Variants in AGGF1 observed in about 807,000 individuals in gnomAD.
AGGF1 encodes angiogenic factor with G-patch and FHA domains 1.
Under a neutral mutation model 86.5 loss-of-function variants are expected in AGGF1, and 56 were observed. The observed-to-expected ratio is 0.65, with a 90% confidence interval of 0.52 to 0.81. The LOEUF (loss-of-function observed/expected upper bound fraction) is 0.81, where lower values mean the gene tolerates loss of function less well. Among genes scored for constraint, AGGF1 ranks in the 30% least tolerant of loss-of-function variants. The probability of loss-of-function intolerance (pLI) is 0.00; values close to 1 mark genes in which losing one functional copy is unlikely to be tolerated. For missense variants in AGGF1, 816 were observed against 850.9 expected, an observed-to-expected ratio of 0.96 and a Z score of 0.51; for synonymous variants, 313 against 297.1, an observed-to-expected ratio of 1.05 and a Z score of -0.55.
chr5:77,045,032 T>A (rs538444920), intron 5 of AGGF1, among the ~76,000 whole-genome samples: 2 of 148,222 alleles, frequency 1.3e-5, no homozygotes, highest in Non-Finnish European at 3.0e-5. Context: ...GCCACTGCAC[T>A]CCAGCCTGGG....
intron 5 of AGGF1, among the ~76,000 whole-genome samples, chr5:77,044,638 A>G (rs937752171): frequency 7.9e-5 from 12 of 152,190 alleles, no homozygotes; most frequent in African/African-American, 2.9e-4. Context: ...CTGCTTTTTT[A>G]AGAGTATATA....
chr5:77,032,968 T>C (rs531822789), intron 1 of AGGF1, among the ~76,000 whole-genome samples: 38 of 152,296 alleles, frequency 2.5e-4, no homozygotes, highest in African/African-American at 8.9e-4. Flanking sequence ...TTTAATACAC[T>C]TTAAAAAAAT....
Position 77,030,449 on chromosome 5 carries a change from C to T in AGGF1, c.-318C>T, listed in dbSNP as rs576368951. ...TGGGGAGCTGCTGGAGCTCTTCTGGCCTCTGGTTTTCCGACTGCTTATCCG... is the reference window on the plus strand; with the variant it reads ...TGGGGAGCTGCTGGAGCTCTTCTGGTCTCTGGTTTTCCGACTGCTTATCCG... On this transcript the variant is annotated 5_prime_UTR_variant, in exon 1 of 14. Coordinates refer to ENST00000312916, the MANE Select transcript of AGGF1 (RefSeq NM_018046.5). 2 of 554,888 alleles carry T rather than the reference C, an allele frequency of 3.6e-6. No homozygotes were observed. The highest frequency in any genetic ancestry group is 3.1e-5 in the South Asian group (2 of 65,530). The allele number at this position is 554,888 out of a possible 1,614,324, so 34.4% of individuals were successfully genotyped here. A position where few individuals can be genotyped will look rare whatever the true frequency, so the allele number is the denominator to read the frequency against.
intron 13 of AGGF1, 58 bp downstream of exon 13, chr5:77,061,860 A>T (rs560636339): frequency 9.9e-6 from 15 of 1,509,848 alleles, no homozygotes; most frequent in Non-Finnish European, 1.3e-5. Context: ...TACCGTGTAC[A>T]TTAATGTGCC....
intron 3 of AGGF1, 133 bp from the exon 4 acceptor site, chr5:77,036,423 T>C: frequency 3.2e-6 from 3 of 923,514 alleles, no homozygotes; most frequent in South Asian, 1.5e-5. Context: ...CAAGTCATAA[T>C]TGATAGTCAT....
At chr5:77,062,656 C>A (rs929849465) in intron 13 of AGGF1, among the ~76,000 whole-genome samples, 1 of 152,060 alleles carries the variant, frequency 6.6e-6, no homozygotes, top group African/African-American at 2.4e-5. Context: ...CAATCAAATT[C>A]TTTTTATGGT....
In AGGF1 at chr5:77,061,936, G is replaced by T. The variant is rs1006726432; in HGVS notation, c.1944+134G>T. 27 of 792,886 alleles carry T rather than the reference G, an allele frequency of 3.4e-5. No homozygotes were observed. In the South Asian group the frequency reaches 4.0e-4, roughly 12 times the overall value. 49.1% of individuals were successfully genotyped at this position (792,886 alleles called of 1,614,324 possible). ...AGGAGACATGATTACTGCCTTTGTG[G>T]CATTCACAATTACCAAATATATACA... On this transcript the variant is annotated intron_variant, in intron 13 of 13. Transcript: ENST00000312916.
chr5:77,059,538 G>C, intron 11 of AGGF1, 78 bp from the exon 12 acceptor site: 1 of 1,297,996 alleles, frequency 7.7e-7, no homozygotes, highest in South Asian at 1.2e-5. Context: ...AATCATATTC[G>C]TTAAGTAAGG....
intron 5 of AGGF1, among the ~76,000 whole-genome samples, chr5:77,042,007 G>A (rs1377769126): frequency 6.6e-6 from 1 of 151,034 alleles, no homozygotes; most frequent in Non-Finnish European, 1.5e-5. Flanking sequence ...AGGGAGTGGT[G>A]ATGACTCTTA....
At chr5:77,055,059 CT>C (rs1179862776) in intron 10 of AGGF1, among the ~76,000 whole-genome samples, 12 of 152,114 alleles carry the variant, frequency 7.9e-5, no homozygotes, top group African/African-American at 2.9e-4. Context: ...AATTTTCCCC[CT>C]AAATGCCAAG....
At chr5:77,047,053 G>A (rs1747269043) in intron 6 of AGGF1, among the ~76,000 whole-genome samples, 1 of 152,130 alleles carries the variant, frequency 6.6e-6, no homozygotes, top group Non-Finnish European at 1.5e-5. Context: ...TATGAATTCA[G>A]CTACATGGAT....
intron 5 of AGGF1, among the ~76,000 whole-genome samples, chr5:77,043,557 G>C (rs777980659): frequency 9.9e-6 from 1 of 101,140 alleles, no homozygotes; most frequent in Non-Finnish European, 2.3e-5. Context: ...CCTCCCTCCC[G>C]GACGGCACGG....
At chr5:77,055,751 A>G (rs1747446311) in intron 11 of AGGF1, among the ~76,000 whole-genome samples, 155 bp downstream of exon 11, 1 of 152,252 alleles carries the variant, frequency 6.6e-6, no homozygotes. Flanking sequence ...TCATAACCTA[A>G]AAACTATTGA....
chr5:77,034,392 T>C (rs1487476217), intron 1 of AGGF1, 26 bp from the exon 2 acceptor site: 1 of 1,413,856 alleles, frequency 7.1e-7, no homozygotes, highest in Non-Finnish European at 1.0e-6. Flanking sequence ...ATGATTTCTT[T>C]TTCCTAAAGC....
intron 1 of AGGF1, among the ~76,000 whole-genome samples, chr5:77,032,274 ACAG>A (rs1746877575): frequency 6.7e-6 from 1 of 149,040 alleles, no homozygotes; most frequent in African/African-American, 2.5e-5. Context: ...AAAAAAAAAA[ACAG>A]GGAGAGGTGG....
intron 2 of AGGF1, 85 bp downstream of exon 2, chr5:77,034,605 A>G (rs1580122681): frequency 1.0e-6 from 1 of 955,652 alleles, no homozygotes; most frequent in Non-Finnish European, 1.7e-6. Context: ...TAAAATAAAC[A>G]AAGATCAAGG....
intron 7 of AGGF1, 50 bp downstream of exon 7, chr5:77,048,322 C>A: frequency 1.5e-6 from 2 of 1,371,468 alleles, no homozygotes; most frequent in Middle Eastern, 3.7e-4. Context: ...TTCAGAAAGG[C>A]TTTATTAAGA....
intron 10 of AGGF1, among the ~76,000 whole-genome samples, chr5:77,054,744 A>G (rs945857858): frequency 6.6e-6 from 1 of 152,212 alleles, no homozygotes; most frequent in African/African-American, 2.4e-5. Flanking sequence ...TTATGACTTA[A>G]GTAATAATTT....
intron 1 of AGGF1, 40 bp downstream of exon 1, chr5:77,031,016 G>A: frequency 6.2e-7 from 1 of 1,607,154 alleles, no homozygotes; most frequent in Non-Finnish European, 8.5e-7. Flanking sequence ...ATCCAGCCCA[G>A]GCGAGGCCTT....
Sources: allele counts gnomAD v4.1 joint callset (sites outside exome capture counted in the v4.1 genomes callset), GRCh38; gene constraint gnomAD v4.1.1; transcripts MANE v1.5; gene names NCBI Gene and HGNC (gene_info 2026-07-23, HGNC 2026-07-21).